Variants in DNAH11 observed in about 807,000 individuals in gnomAD.
DNAH11 encodes axonemal beta dynein heavy chain 11.
A neutral mutation model predicts 526.0 loss-of-function variants in DNAH11; 442 were observed. The ratio of observed to expected loss-of-function variants is 0.84; its 90% CI spans 0.78 to 0.91. The LOEUF is 0.91. Among genes scored for constraint, DNAH11 ranks in the 40% least tolerant of loss-of-function variants. The pLI, the probability that DNAH11 is intolerant of heterozygous loss-of-function variation, is 0.00. For missense variants in DNAH11, 6,989 were observed against 5,448.7 expected, an observed-to-expected ratio of 1.28 and a Z score of -8.90; for synonymous variants, 2,461 against 1,935.9, an observed-to-expected ratio of 1.27 and a Z score of -7.12.
chr7:21,593,767 C>G (rs759319906), intron 14 of DNAH11, among the ~76,000 whole-genome samples: 2 of 151,906 alleles, frequency 1.3e-5, no homozygotes, highest in Non-Finnish European at 2.9e-5. Flanking sequence ...AATGAAAGAG[C>G]GTATTTCATG....
rs528292826 is a variant in DNAH11, at chr7:21,765,677, G to A, written c.9102+88G>A. 37 of 1,413,088 alleles carry A rather than the reference G, an allele frequency of 2.6e-5. No individual in the cohort carries two copies. In the East Asian group the frequency reaches 6.1e-4, roughly 23 times the overall value. The allele number at this position is 1,413,088 out of a possible 1,614,324, so 87.5% of individuals were successfully genotyped here. ...ACACACACTCTGAAAATCCTCAGTA[G>A]GTAAGTGCTTTCCACAGTACATCTC... On this transcript the variant is annotated intron_variant, in intron 55 of 81. Transcript: ENST00000409508.
chr7:21,827,931 T>A (rs1392714750), intron 65 of DNAH11, among the ~76,000 whole-genome samples: 1 of 151,992 alleles, frequency 6.6e-6, no homozygotes, highest in Non-Finnish European at 1.5e-5. Flanking sequence ...AGCTGGAAGC[T>A]TACGGATTTT....
At chr7:21,804,244 G>T (rs894091436) in intron 62 of DNAH11, among the ~76,000 whole-genome samples, 2 of 152,080 alleles carry the variant, frequency 1.3e-5, no homozygotes, top group Non-Finnish European at 2.9e-5. Context: ...GAGTACCTGG[G>T]ACTACAGGTG....
At chr7:21,828,531 T>C (rs1790407968) in intron 65 of DNAH11, among the ~76,000 whole-genome samples, 1 of 152,170 alleles carries the variant, frequency 6.6e-6, no homozygotes, top group Non-Finnish European at 1.5e-5. Context: ...GTAATAGTTG[T>C]TTGACTTTAT....
At chr7:21,597,288 A>T (rs1434077723) in intron 14 of DNAH11, among the ~76,000 whole-genome samples, 2 of 152,154 alleles carry the variant, frequency 1.3e-5, no homozygotes, top group Admixed American at 1.3e-4. Flanking sequence ...CCGTGACATG[A>T]TGGGAAAGGC....
At chr7:21,628,794 C>T (rs1359327380) in intron 25 of DNAH11, among the ~76,000 whole-genome samples, 1 of 151,984 alleles carries the variant, frequency 6.6e-6, no homozygotes, top group Admixed American at 6.6e-5. Context: ...CAGGGTAATG[C>T]TGGCTTCATT....
At chr7:21,589,152 A>C in intron 11 of DNAH11, 56 bp from the exon 12 acceptor site, 1 of 1,326,422 alleles carries the variant, frequency 7.5e-7, no homozygotes, top group Non-Finnish European at 1.0e-6. Flanking sequence ...TACAATTATT[A>C]AGCGGAAATC....
At chr7:21,589,160 A>G in intron 11 of DNAH11, 48 bp from the exon 12 acceptor site, 1 of 1,384,028 alleles carries the variant, frequency 7.2e-7, no homozygotes, top group Non-Finnish European at 9.8e-7. Context: ...TTAAGCGGAA[A>G]TCTATCTAAT....
At chr7:21,794,589 G>T (rs929185367) in intron 61 of DNAH11, among the ~76,000 whole-genome samples, 19 of 152,176 alleles carry the variant, frequency 1.2e-4, no homozygotes, top group African/African-American at 4.6e-4. Flanking sequence ...CTAGCTGGGG[G>T]TTTGTGCCCA....
intron 30 of DNAH11, among the ~76,000 whole-genome samples, chr7:21,674,067 T>C (rs1052853997): frequency 3.3e-5 from 5 of 150,952 alleles, no homozygotes; most frequent in South Asian, 2.1e-4. Flanking sequence ...TGTGTGAGTT[T>C]TGTTTTGTTT....
intron 30 of DNAH11, among the ~76,000 whole-genome samples, chr7:21,660,396 ACT>A (rs1456877532): frequency 1.3e-5 from 2 of 149,976 alleles, no homozygotes; most frequent in Admixed American, 6.6e-5. Context: ...TACTTATTTT[ACT>A]CTGTTTTTTT....
At chr7:21,886,328 C>T (rs529696918) in intron 76 of DNAH11, among the ~76,000 whole-genome samples, 1 of 151,974 alleles carries the variant, frequency 6.6e-6, no homozygotes, top group African/African-American at 2.4e-5. Context: ...ACCAGGAAAA[C>T]ATAGTGTATT....
intron 66 of DNAH11, among the ~76,000 whole-genome samples, chr7:21,844,382 G>A (rs1782334729): frequency 6.6e-6 from 1 of 152,190 alleles, no homozygotes; most frequent in Non-Finnish European, 1.5e-5. Context: ...CCAGGATAGT[G>A]CCACTGCACT....
intron 62 of DNAH11, among the ~76,000 whole-genome samples, chr7:21,802,217 A>G (rs946925266): frequency 6.6e-6 from 1 of 152,238 alleles, no homozygotes; most frequent in African/African-American, 2.4e-5. Flanking sequence ...GCAGATAGCC[A>G]GTAAGCACCT....
chr7:21,894,901 T>C lies in DNAH11; in HGVS notation c.12951T>C (p.Ser4317=). 6.2e-7 allele frequency: 1 copy of C among 1,613,994 alleles called. No individual in the cohort carries two copies. Among genetic ancestry groups the C allele is most frequent in the Non-Finnish European group, 8.5e-7 (1 of 1,179,892 alleles). Residue 4317 remains serine (S), a synonymous_variant, in exon 79 of 82, where the codon TCT becomes TCC. Transcript: ENST00000409508. ...CATGCAAGGGGGAATTGGCATTATC[T>C]CCTGCTGTGGAAGCCCAGCAGTTTG... is the stretch of plus-strand genomic sequence containing the variant. ...DLSLKGELAL[S]PAVEAQQFAL... is the part of the protein sequence containing the mutation.
intron 44 of DNAH11, among the ~76,000 whole-genome samples, chr7:21,724,360 G>A (rs954202101): frequency 1.3e-5 from 2 of 152,216 alleles, no homozygotes; most frequent in Non-Finnish European, 1.5e-5. Flanking sequence ...GGTGGGGCAA[G>A]CTCTCCCTGC....
chr7:21,679,796 A>C (rs1010006374), intron 30 of DNAH11, among the ~76,000 whole-genome samples: 2 of 152,110 alleles, frequency 1.3e-5, no homozygotes, highest in Admixed American at 1.3e-4. Context: ...TGGATTGGCA[A>C]ATGTGGTTAA....
At chr7:21,892,936 A>T (rs1279481321) in intron 77 of DNAH11, among the ~76,000 whole-genome samples, 1 of 152,226 alleles carries the variant, frequency 6.6e-6, no homozygotes, top group Non-Finnish European at 1.5e-5. Flanking sequence ...ATATGGAATC[A>T]TACAGTGCGC....
chr7:21,735,136 C>G (rs1405183268), intron 45 of DNAH11, among the ~76,000 whole-genome samples: 1 of 152,210 alleles, frequency 6.6e-6, no homozygotes, highest in Non-Finnish European at 1.5e-5. Context: ...TGCCACTGCA[C>G]TCCAGCCTGG....
Sources: allele counts gnomAD v4.1 joint callset (sites outside exome capture counted in the v4.1 genomes callset), GRCh38; gene constraint gnomAD v4.1.1; transcripts MANE v1.5; gene names NCBI Gene and HGNC (gene_info 2026-07-23, HGNC 2026-07-21).